The following DTNA variants were observed in gnomAD, a reference collection of about 807,000 sequenced individuals.
The protein encoded by DTNA is dystrophin-related protein 3.
Under a neutral mutation model 100.7 loss-of-function variants are expected in DTNA, and 43 were observed. The ratio of observed to expected loss-of-function variants is 0.43; its 90% CI spans 0.33 to 0.55. DTNA has a LOEUF of 0.55. Among genes scored for constraint, DTNA ranks in the 20% least tolerant of loss-of-function variants. The pLI is 0.04. For synonymous variants in DTNA, 349 were observed against 347.9 expected (o/e 1.00, Z -0.04); for missense variants, 798 against 953.9 (o/e 0.84, Z 2.15).
intron 1 of DTNA, among the ~76,000 whole-genome samples, chr18:34,510,076 T>TGTGTGTGC (rs1314173247): frequency 6.7e-6 from 1 of 150,332 alleles, no homozygotes; most frequent in Non-Finnish European, 1.5e-5. Context: ...ATTTTGTGTG[T>TGTGTGTGC]GTGTGTGTGT....
At chr18:34,624,305 T>C (rs530243567) in intron 1 of DTNA, among the ~76,000 whole-genome samples, 5 of 152,168 alleles carry the variant, frequency 3.3e-5, no homozygotes. Context: ...ATAACAATAA[T>C]GTAAAATCTT....
intron 14 of DTNA, 96 bp downstream of exon 14, chr18:34,848,479 C>A: frequency 7.8e-7 from 1 of 1,285,588 alleles, no homozygotes; most frequent in Non-Finnish European, 1.1e-6. Flanking sequence ...TGCTGATTAC[C>A]AGGACAATTT....
At chr18:34,572,103 A>C (rs2047646116) in intron 1 of DTNA, among the ~76,000 whole-genome samples, 1 of 152,202 alleles carries the variant, frequency 6.6e-6, no homozygotes, top group Admixed American at 6.5e-5. Context: ...GAAGAAAAAC[A>C]CAAAAATGTG....
At chr18:34,578,666 G>C (rs550209182) in intron 1 of DTNA, among the ~76,000 whole-genome samples, 2 of 152,234 alleles carry the variant, frequency 1.3e-5, no homozygotes, top group Non-Finnish European at 2.9e-5. Context: ...TGAGGATCTA[G>C]TTTCACTCTT....
chr18:34,821,724 C>A (rs2095724787), intron 9 of DTNA, among the ~76,000 whole-genome samples: 1 of 152,184 alleles, frequency 6.6e-6, no homozygotes, highest in Non-Finnish European at 1.5e-5. Context: ...TATGAACTGC[C>A]TGTAGTTTTC....
upstream of DTNA, among the ~76,000 whole-genome samples, chr18:34,706,621 T>C (rs2082156186): frequency 6.6e-6 from 1 of 152,210 alleles, no homozygotes; most frequent in African/African-American, 2.4e-5. Flanking sequence ...CATAGTGTTA[T>C]TTAAAAACGG....
intron 22 of DTNA, 73 bp downstream of exon 22, chr18:34,884,849 A>G: frequency 1.3e-6 from 2 of 1,504,354 alleles, no homozygotes; most frequent in Non-Finnish European, 1.9e-6. Context: ...ATGCGAATTC[A>G]CAATCACTTC....
At position 34,821,572 on chromosome 18, in the gene DTNA, G is replaced by C. The variant is rs1391393872; in HGVS notation, c.1001+657G>C. On this transcript the variant is annotated intron_variant, in intron 9 of 22. Coordinates refer to ENST00000444659, the MANE Select transcript of DTNA (RefSeq NM_001386795.1). ...GTTTCATGCCTTTGAACCTCTCTCA[G>C]GCCTGGGTGGCCAAGATAACAAGGG... 3 of 450,406 alleles carry C rather than the reference G, an allele frequency of 6.7e-6. No individual in the cohort carries two copies. In the East Asian group the frequency reaches 2.1e-4, roughly 31 times the overall value. The allele number at this position is 450,406 out of a possible 1,614,324, so 27.9% of individuals were successfully genotyped here. A position where few individuals can be genotyped will look rare whatever the true frequency, so the allele number is the denominator to read the frequency against.
intron 17 of DTNA, among the ~76,000 whole-genome samples, chr18:34,872,777 G>A (rs2096778248): frequency 6.6e-6 from 1 of 152,214 alleles, no homozygotes; most frequent in African/African-American, 2.4e-5. Context: ...GTCCTACTGG[G>A]TCTGTGCCCT....
intron 1 of DTNA, among the ~76,000 whole-genome samples, chr18:34,556,006 A>C (rs2045995217): frequency 6.7e-6 from 1 of 150,176 alleles, no homozygotes; most frequent in African/African-American, 2.5e-5. Flanking sequence ...TGGGAGTCTA[A>C]GTCTCTTTGT....
intron 1 of DTNA, among the ~76,000 whole-genome samples, chr18:34,632,721 A>T (rs2148146349): frequency 6.6e-6 from 1 of 152,296 alleles, no homozygotes; most frequent in East Asian, 1.9e-4. Context: ...TTTATACAGA[A>T]ATCTTAATTT....
At chr18:34,614,938 A>G (rs2054938154) in intron 1 of DTNA, among the ~76,000 whole-genome samples, 1 of 152,248 alleles carries the variant, frequency 6.6e-6, no homozygotes, top group Non-Finnish European at 1.5e-5. Context: ...AGCATTTCAC[A>G]GTACAGAGAA....
At chr18:34,517,744 A>G (rs2041788312) in intron 1 of DTNA, among the ~76,000 whole-genome samples, 1 of 152,172 alleles carries the variant, frequency 6.6e-6, no homozygotes, top group Middle Eastern at 3.4e-3. Context: ...ACATAATTTC[A>G]TTGAGTTCTA....
chr18:34,815,878 T>C, intron 6 of DTNA, 31 bp from the exon 7 acceptor site: 1 of 1,572,570 alleles, frequency 6.4e-7, no homozygotes, highest in Non-Finnish European at 8.8e-7. Context: ...TGATTCTCTG[T>C]CCTAAATTTA....
At chr18:34,653,178 T>G (rs1355213448) in intron 1 of DTNA, among the ~76,000 whole-genome samples, 1 of 152,208 alleles carries the variant, frequency 6.6e-6, no homozygotes, top group African/African-American at 2.4e-5. Context: ...ATGCATTTAC[T>G]CATGCTTTTT....
intron 1 of DTNA, among the ~76,000 whole-genome samples, chr18:34,615,437 C>T (rs1460233288): frequency 6.6e-6 from 1 of 152,102 alleles, no homozygotes; most frequent in Non-Finnish European, 1.5e-5. Flanking sequence ...GCCACCCTAA[C>T]CTTCAGCAAC....
At chr18:34,509,043 A>G (rs775317398) in intron 1 of DTNA, among the ~76,000 whole-genome samples, 5 of 152,034 alleles carry the variant, frequency 3.3e-5, no homozygotes, top group Admixed American at 6.6e-5. Flanking sequence ...TGTGCATTCA[A>G]TTTGATACTA....
At position 34,742,885 on chromosome 18, in the gene DTNA, G is replaced by A. The variant is rs2840371; in HGVS notation, c.-1-13091G>A. ...ATGAATGAATCTCAGGGTCTCTTCC[G>A]GCTAATAACCCAGGCATTCATGCCT... On this transcript the variant is annotated intron_variant, in intron 1 of 22. Transcript: ENST00000444659. 7.1e-3 allele frequency among the ~76,000 whole-genome samples: 1,083 copies of A among 151,816 alleles called. 13 individuals carry two copies. The highest frequency in any genetic ancestry group is 0.025 in the African/African-American group (1,035 of 41,432).
intron 1 of DTNA, among the ~76,000 whole-genome samples, chr18:34,494,890 G>A (rs1043625289): frequency 6.7e-6 from 1 of 149,012 alleles, no homozygotes; most frequent in Non-Finnish European, 1.5e-5. Flanking sequence ...AAAAATAATG[G>A]TTTTTTTTTT....
Sources: gnomAD v4.1 joint callset for allele counts (sites outside exome capture counted in the v4.1 genomes callset) on GRCh38, gnomAD v4.1.1 for gene constraint, MANE v1.5 for transcripts, NCBI Gene and HGNC (gene_info 2026-07-23, HGNC 2026-07-21) for gene names.